Variants in TEAD1 observed in about 807,000 individuals in gnomAD.
The protein encoded by TEAD1 is TEA domain transcription factor 1, also known as transcriptional enhancer factor TEF-1.
A neutral mutation model predicts 54.9 loss-of-function variants in TEAD1; 9 were observed. That is an observed-to-expected ratio of 0.16 (90% CI 0.10 to 0.29). The LOEUF (loss-of-function observed/expected upper bound fraction) is 0.29, where lower values mean the gene tolerates loss of function less well. TEAD1 is among the 10% of genes least tolerant of loss of function. The pLI, the probability that TEAD1 is intolerant of heterozygous loss-of-function variation, is 1.00. For missense variants in TEAD1, 387 were observed against 535.9 expected (o/e 0.72, Z 2.74); for synonymous variants, 200 against 187.8 (o/e 1.07, Z -0.53).
chr11:12,752,213 GTT>G (rs35143229), intron 2 of TEAD1, among the ~76,000 whole-genome samples: 1,880 of 101,014 alleles, frequency 0.019, 47 homozygotes, highest in African/African-American at 0.063. Context: ...AAACAGGGCA[GTT>G]TTTTTTTTTT....
At chr11:12,697,409 C>T (rs755847049) in intron 2 of TEAD1, among the ~76,000 whole-genome samples, 19 of 152,140 alleles carry the variant, frequency 1.2e-4, no homozygotes, top group South Asian at 2.1e-4. Flanking sequence ...GAAGGGGGTG[C>T]GGTGGCAGTG....
At chr11:12,759,752 CT>C (rs1240203087) in intron 2 of TEAD1, among the ~76,000 whole-genome samples, 6 of 152,140 alleles carry the variant, frequency 3.9e-5, no homozygotes, top group African/African-American at 1.4e-4. Flanking sequence ...ATCCCAGCTA[CT>C]TGGAAGGCTG....
intron 2 of TEAD1, among the ~76,000 whole-genome samples, chr11:12,698,402 TA>T: frequency 6.6e-6 from 1 of 152,196 alleles, no homozygotes. Context: ...AGGAATTGTT[TA>T]AACTACCAGA....
At chr11:12,865,406 A>G (rs1017723760) in intron 5 of TEAD1, 2 of 161,802 alleles carry the variant, frequency 1.2e-5, no homozygotes, top group Admixed American at 1.2e-4. Flanking sequence ...TATAAAAAAT[A>G]CGTCTTTTTC....
chr11:12,896,711 T>C (rs966692062), intron 9 of TEAD1, among the ~76,000 whole-genome samples: 1 of 152,198 alleles, frequency 6.6e-6, no homozygotes, highest in African/African-American at 2.4e-5. Context: ...ATCCCCATCT[T>C]CTCTGTAGGA....
intron 9 of TEAD1, among the ~76,000 whole-genome samples, chr11:12,889,651 G>T (rs1257744823): frequency 1.3e-5 from 2 of 152,218 alleles, no homozygotes; most frequent in African/African-American, 2.4e-5. Flanking sequence ...GAAGTTCCAT[G>T]ATACAGTAGA....
intron 10 of TEAD1, among the ~76,000 whole-genome samples, chr11:12,906,050 G>C (rs960494213): frequency 5.3e-5 from 8 of 152,118 alleles, no homozygotes; most frequent in Non-Finnish European, 1.0e-4. Context: ...TGGCATCCCA[G>C]GCCCCAGAGC....
At chr11:12,755,026 C>T (rs1047390294) in intron 2 of TEAD1, among the ~76,000 whole-genome samples, 16 of 152,234 alleles carry the variant, frequency 1.1e-4, no homozygotes, top group African/African-American at 3.9e-4. Flanking sequence ...GGGGCCGCAT[C>T]TGGGCAGATT....
chr11:12,729,820 G>T (rs1944384181), intron 2 of TEAD1, among the ~76,000 whole-genome samples: 1 of 152,114 alleles, frequency 6.6e-6, no homozygotes, highest in Non-Finnish European at 1.5e-5. Flanking sequence ...AATGCACTGG[G>T]TCCCTAATTC....
chr11:12,823,407 C>G (rs1946590694), intron 3 of TEAD1: 1 of 152,146 alleles, frequency 6.6e-6, no homozygotes, highest in African/African-American at 2.4e-5. Flanking sequence ...AGGTACCTAC[C>G]TGTGAGAAGT....
At chr11:12,880,938 G>A (rs897346671) in intron 6 of TEAD1, 67 bp from the exon 7 acceptor site, 14 of 1,565,298 alleles carry the variant, frequency 8.9e-6, no homozygotes, top group East Asian at 2.2e-5. Flanking sequence ...GTTGTGATGC[G>A]TAGGCATCCT....
chr11:12,897,088 G>T (rs529534655), intron 9 of TEAD1, among the ~76,000 whole-genome samples: 1 of 152,118 alleles, frequency 6.6e-6, no homozygotes, highest in South Asian at 2.1e-4. Flanking sequence ...ATTGACATTC[G>T]CCCTTTTTCT....
chr11:12,871,469 A>G (rs1166638814), intron 5 of TEAD1, among the ~76,000 whole-genome samples: 2 of 152,240 alleles, frequency 1.3e-5, no homozygotes, highest in Admixed American at 1.3e-4. Context: ...GAAAGAATGC[A>G]GAAGCATTCT....
intron 10 of TEAD1, among the ~76,000 whole-genome samples, chr11:12,913,182 C>T (rs1948647659): frequency 1.3e-5 from 2 of 152,154 alleles, no homozygotes; most frequent in Non-Finnish European, 2.9e-5. Context: ...AAAACTGAAC[C>T]TAGGCCCTTG....
chr11:12,883,276 A>G, intron 9 of TEAD1, 151 bp downstream of exon 9: 1 of 1,304,072 alleles, frequency 7.7e-7, no homozygotes, highest in Non-Finnish European at 1.1e-6. Context: ...TAGCCTTTTG[A>G]TTAAGTAAAA....
intron 2 of TEAD1, among the ~76,000 whole-genome samples, chr11:12,750,548 TAGAC>T (rs150797190): frequency 0.023 from 3,430 of 152,126 alleles, 142 homozygotes; most frequent in African/African-American, 0.078. Context: ...TCTTCCCAAG[TAGAC>T]AGACAGACAG....
At chr11:12,816,138 C>A (rs1946409837) in intron 3 of TEAD1, among the ~76,000 whole-genome samples, 1 of 152,160 alleles carries the variant, frequency 6.6e-6, no homozygotes, top group African/African-American at 2.4e-5. Flanking sequence ...TGTGAGCCTT[C>A]CCACTTTGCA....
chr11:12,791,317 G>C (rs55855010), intron 3 of TEAD1, among the ~76,000 whole-genome samples: 5,207 of 152,286 alleles, frequency 0.034, 319 homozygotes, highest in African/African-American at 0.12. Flanking sequence ...AAAGTATCTG[G>C]TGTTTCCCAG....
At chr11:12,878,857 C>T (rs769853454) in intron 5 of TEAD1, 17 of 1,267,206 alleles carry the variant, frequency 1.3e-5, no homozygotes, top group Middle Eastern at 2.2e-4. Flanking sequence ...TTTATGCAAT[C>T]CTTTTAACAA....
Sources: gnomAD v4.1 joint callset for allele counts (sites outside exome capture counted in the v4.1 genomes callset) on GRCh38, gnomAD v4.1.1 for gene constraint, MANE v1.5 for transcripts, NCBI Gene and HGNC (gene_info 2026-07-23, HGNC 2026-07-21) for gene names.